GREB1: variants seen among roughly 807,000 people sequenced by gnomAD.
GREB1 encodes the protein protein GREB1.
Under a neutral mutation model 200.7 loss-of-function variants are expected in GREB1, and 106 were observed. The observed-to-expected ratio is 0.53, with a 90% confidence interval of 0.45 to 0.62. GREB1 has a LOEUF of 0.62. Among genes scored for constraint, GREB1 ranks in the 20% least tolerant of loss-of-function variants. The pLI, the probability that GREB1 is intolerant of heterozygous loss-of-function variation, is 0.00. For missense variants in GREB1, 2,243 were observed against 2,556.8 expected (o/e 0.88, Z 2.65); for synonymous variants, 1,132 against 1,092.4 (o/e 1.04, Z -0.72).
At chr2:11,545,432 A>G (rs12623299) in intron 1 of GREB1, among the ~76,000 whole-genome samples, 100,671 of 152,118 alleles carry the variant, frequency 0.66, 34,064 homozygotes, top group South Asian at 0.83. Flanking sequence ...GCACCCGGCC[A>G]ATCAGCAACT....
At chr2:11,497,085 C>G (rs1672908678) in intron 1 of GREB1, among the ~76,000 whole-genome samples, 1 of 152,196 alleles carries the variant, frequency 6.6e-6, no homozygotes, top group Non-Finnish European at 1.5e-5. Flanking sequence ...ATGTGAGCCA[C>G]CACGCCTGGC....
At chr2:11,557,253 C>G (rs950283057) in intron 2 of GREB1, among the ~76,000 whole-genome samples, 2 of 152,196 alleles carry the variant, frequency 1.3e-5, no homozygotes, top group Non-Finnish European at 2.9e-5. Flanking sequence ...AAATTCTCTT[C>G]GGGCATAGGG....
At chr2:11,564,618 C>G (rs992092776) in intron 3 of GREB1, among the ~76,000 whole-genome samples, 1 of 152,236 alleles carries the variant, frequency 6.6e-6, no homozygotes, top group Non-Finnish European at 1.5e-5. Context: ...GCCTACATCC[C>G]TCCAGCTCTT....
chr2:11,530,299 T>A (rs1001904007), upstream of GREB1, among the ~76,000 whole-genome samples: 1 of 151,966 alleles, frequency 6.6e-6, no homozygotes, highest in Non-Finnish European at 1.5e-5. Flanking sequence ...TGGCCTCAAG[T>A]GATCCACCCA....
Position 11,640,980 on chromosome 2 carries a change from G to A in GREB1, c.*526G>A, listed in dbSNP as rs1685771065. 1 of 153,178 alleles carries A rather than the reference G, an allele frequency of 6.5e-6. No individual in the cohort carries two copies. Among genetic ancestry groups the A allele is most frequent in the Non-Finnish European group, 1.5e-5 (1 of 68,822 alleles). The allele number at this position is 153,178 out of a possible 1,614,324, so 9.5% of individuals were successfully genotyped here. ...TTATTTAATTGCCTATAAGTTTGCTGTTTCAGAGGCTAGCCCAAAGGCATC... is the reference window on the plus strand; with the variant it reads ...TTATTTAATTGCCTATAAGTTTGCTATTTCAGAGGCTAGCCCAAAGGCATC... On this transcript the variant is annotated 3_prime_UTR_variant, in exon 33 of 33. Transcript: ENST00000381486. This position sits in a 1 kb window ranked among gnomAD's most constrained non-coding sequence, Gnocchi z 4.6.
intron 1 of GREB1, among the ~76,000 whole-genome samples, chr2:11,504,221 G>A (rs192014500): frequency 2.6e-5 from 4 of 152,128 alleles, no homozygotes; most frequent in African/African-American, 7.2e-5. Flanking sequence ...GGAGATTTAC[G>A]TCCTGGATGG....
chr2:11,537,740 AAT>A (rs979224442), intron 1 of GREB1, among the ~76,000 whole-genome samples: 6 of 147,770 alleles, frequency 4.1e-5, no homozygotes, highest in Non-Finnish European at 7.5e-5. Context: ...AATATATAAT[AAT>A]ATATAAATTT....
At chr2:11,555,080 T>C in intron 1 of GREB1, among the ~76,000 whole-genome samples, 1 of 152,214 alleles carries the variant, frequency 6.6e-6, no homozygotes, top group Non-Finnish European at 1.5e-5. Context: ...GAGAATAACG[T>C]ATAGCCTTAA....
At chr2:11,523,854 A>G (rs919644756) in intron 1 of GREB1, among the ~76,000 whole-genome samples, 1 of 152,144 alleles carries the variant, frequency 6.6e-6, no homozygotes, top group Non-Finnish European at 1.5e-5. Flanking sequence ...ATCAGTTACC[A>G]TGGTCTCTGC....
At position 11,492,070 on chromosome 2, in the gene GREB1, TC is replaced by T. The variant is rs1405491316; in HGVS notation, c.-159+9692del. Among the ~76,000 whole-genome samples, 1 of 152,176 alleles carries T rather than the reference TC, an allele frequency of 6.6e-6. No individual in the cohort carries two copies. Among genetic ancestry groups the T allele is most frequent in the Non-Finnish European group, 1.5e-5 (1 of 68,028 alleles). Reference sequence around the variant, plus strand: ...GGTGCTATTGATTTCACGGTCCTCTTCCCTGGATTCCCCATGGCTCTTCCAG... The same window carrying T: ...GGTGCTATTGATTTCACGGTCCTCTTCCTGGATTCCCCATGGCTCTTCCAG... On this transcript the variant is annotated intron_variant, in intron 1 of 2. Transcript: ENST00000628795. The surrounding 1 kb of genome is among the most constrained non-coding windows in gnomAD (Gnocchi z 4.0).
chr2:11,563,953 C>T lies in GREB1; in HGVS notation c.277+1371C>T, dbSNP rs370133107. On this transcript the variant is annotated intron_variant, in intron 3 of 32. Transcript: ENST00000381486. The stretch of plus-strand genomic sequence containing the variant: ...GCATGGAGCAGAGGAGGGGCTCTAA[C>T]GCAGGTAGAGAGTTTTGGGAAGGCT... 8.5e-5 allele frequency among the ~76,000 whole-genome samples: 13 copies of T among 152,180 alleles called. No homozygotes were observed. In the East Asian group the frequency reaches 2.3e-3, roughly 27 times the overall value.
rs115063230 is a variant in GREB1, at chr2:11,511,166, C to T, written c.-159+28785C>T. ...CCCAGCAGTCTTCACAAGAACGAAG[C>T]TTTTTCCTGGTGAACGGCCATGGGT... On this transcript the variant is annotated intron_variant, in intron 1 of 2. Coordinates refer to the GREB1 transcript ENST00000628795. 6.0e-3 allele frequency among the ~76,000 whole-genome samples: 918 copies of T among 152,264 alleles called. 10 individuals carry two copies. Among genetic ancestry groups the T allele is most frequent in the African/African-American group, 0.021 (883 of 41,546 alleles).
In GREB1 at chr2:11,602,437, A is replaced by C; in HGVS notation, c.2561A>C (p.Tyr854Ser). The stretch of plus-strand genomic sequence containing the variant: ...GACTTATATCATGAAAATAAGAAGT[A>C]CTTCGGGCTGTCGGAGTTTATTGAA... ...GVDLYHENKKYFGLSEFIEST... is the reference protein window; with the variant it reads ...GVDLYHENKKSFGLSEFIEST... Residue 854 changes from tyrosine to serine, a missense_variant, in exon 17 of 33, where the codon TAC becomes TCC. Coordinates refer to ENST00000381486, the MANE Select transcript of GREB1 (RefSeq NM_014668.4). The C allele has an allele frequency of 6.2e-7, 1 of 1,613,350 alleles. No individual in the cohort carries two copies. The highest frequency in any genetic ancestry group is 8.5e-7 in the Non-Finnish European group (1 of 1,179,264).
intron 14 of GREB1, among the ~76,000 whole-genome samples, chr2:11,598,401 C>G (rs867692988): frequency 6.6e-6 from 1 of 152,268 alleles, no homozygotes; most frequent in South Asian, 2.1e-4. Flanking sequence ...TCGGTTCCCT[C>G]TGTCTTACCA....
chr2:11,526,302 G>A (rs1025826136), intron 1 of GREB1, among the ~76,000 whole-genome samples: 3 of 152,110 alleles, frequency 2.0e-5, no homozygotes, highest in African/African-American at 7.2e-5. Context: ...AATAAGAGAG[G>A]AGCAGAATGT....
intron 10 of GREB1, chr2:11,591,508 A>G: frequency 4.2e-6 from 3 of 709,594 alleles, no homozygotes; most frequent in South Asian, 3.0e-5. Flanking sequence ...AAAGACATGC[A>G]AATCACAAAT....
At chr2:11,593,245 C>T (rs762148461) in intron 11 of GREB1, 119 bp downstream of exon 11, 5 of 668,994 alleles carry the variant, frequency 7.5e-6, no homozygotes, top group Non-Finnish European at 9.8e-6. Flanking sequence ...GCAGTTAGCA[C>T]CTGCGGTTTG....
chr2:11,491,694 T>TAA (rs1481228655), intron 1 of GREB1, among the ~76,000 whole-genome samples: 1 of 152,242 alleles, frequency 6.6e-6, no homozygotes, highest in Non-Finnish European at 1.5e-5. Context: ...GTTCTTGGCA[T>TAA]GTAGTAGGTC....
At chr2:11,500,658 T>A (rs1572554881) in intron 1 of GREB1, among the ~76,000 whole-genome samples, 2 of 152,330 alleles carry the variant, frequency 1.3e-5, no homozygotes, top group East Asian at 3.9e-4. Context: ...ATTACCTACT[T>A]GATTTACAGG....
Sources: allele counts gnomAD v4.1 joint callset (sites outside exome capture counted in the v4.1 genomes callset), GRCh38; gene constraint gnomAD v4.1.1; non-coding constraint Gnocchi (gnomAD v3.1); transcripts MANE v1.5; gene names NCBI Gene and HGNC (gene_info 2026-07-23, HGNC 2026-07-21).